The following ARFIP1 variants were observed in gnomAD, a reference collection of about 807,000 sequenced individuals.
ARFIP1 encodes ARF interacting protein 1, also known as arfaptin-1.
ARFIP1 carries 24 observed loss-of-function variants against 42.5 expected under a neutral mutation model. That is an observed-to-expected ratio of 0.57 (90% CI 0.41 to 0.80). The LOEUF is 0.80. Ranked by LOEUF, ARFIP1 falls within the 30% of genes least tolerant of loss-of-function variation. The pLI is 0.00. For missense variants in ARFIP1, 354 were observed against 434.0 expected, an observed-to-expected ratio of 0.82 and a Z score of 1.64; for synonymous variants, 141 against 153.7, an observed-to-expected ratio of 0.92 and a Z score of 0.61.
At chr4:152,884,636 A>G (rs1032724388) in intron 7 of ARFIP1, among the ~76,000 whole-genome samples, 1 of 151,966 alleles carries the variant, frequency 6.6e-6, no homozygotes, top group African/African-American at 2.4e-5. Context: ...ATTTTCGTTA[A>G]TAATAATCTC....
chr4:152,866,793 C>T (rs1272528974), intron 3 of ARFIP1, among the ~76,000 whole-genome samples: 1 of 151,434 alleles, frequency 6.6e-6, no homozygotes, highest in South Asian at 2.1e-4. Flanking sequence ...GGCTGCTGGG[C>T]AGAGACGCTC....
intron 2 of ARFIP1, among the ~76,000 whole-genome samples, chr4:152,863,116 T>C (rs6822347): frequency 3.3e-5 from 5 of 151,886 alleles, no homozygotes; most frequent in African/African-American, 1.2e-4. Context: ...ATCTAAGTAA[T>C]TTTTGCTTAC....
At chr4:152,812,478 C>T (rs935569035) in intron 1 of ARFIP1, among the ~76,000 whole-genome samples, 1 of 152,224 alleles carries the variant, frequency 6.6e-6, no homozygotes, top group African/African-American at 2.4e-5. Context: ...AGGTGTGAGC[C>T]GCCCCGTCTG....
intron 1 of ARFIP1, among the ~76,000 whole-genome samples, chr4:152,810,548 C>T (rs1729362199): frequency 6.6e-6 from 1 of 151,810 alleles, no homozygotes; most frequent in African/African-American, 2.4e-5. Context: ...GTGGCTCACG[C>T]CTGTAATGGC....
At chr4:152,824,673 T>C (rs994386281) in intron 1 of ARFIP1, among the ~76,000 whole-genome samples, 9 of 152,112 alleles carry the variant, frequency 5.9e-5, no homozygotes, top group Middle Eastern at 3.2e-3. Flanking sequence ...CAACATATTA[T>C]AGTACTAGAA....
intron 1 of ARFIP1, among the ~76,000 whole-genome samples, chr4:152,802,969 T>A (rs1376415644): frequency 5.9e-5 from 9 of 152,172 alleles, no homozygotes; most frequent in Admixed American, 5.9e-4. Context: ...ACTTTTAAAT[T>A]TTAGCCCTGC....
chr4:152,855,484 A>G (rs778657482), intron 2 of ARFIP1, among the ~76,000 whole-genome samples: 6 of 152,136 alleles, frequency 3.9e-5, no homozygotes, highest in Non-Finnish European at 5.9e-5. Flanking sequence ...GAGAACATCT[A>G]TGCCCCTTAG....
chr4:152,865,903 G>A (rs1484934643), intron 3 of ARFIP1, among the ~76,000 whole-genome samples: 2 of 151,800 alleles, frequency 1.3e-5, no homozygotes, highest in Admixed American at 6.6e-5. Flanking sequence ...ATCATTCTTG[G>A]GTGTTTCTCG....
chr4:152,788,712 G>A (rs1423507721), intron 1 of ARFIP1, among the ~76,000 whole-genome samples: 3 of 150,722 alleles, frequency 2.0e-5, no homozygotes, highest in East Asian at 1.9e-4. Context: ...TACTACATTA[G>A]CATAGTACAT....
At position 152,889,594 on chromosome 4, in the gene ARFIP1, AATAT is replaced by A. The variant is rs35526865; in HGVS notation, c.966+1295_966+1298del. On this transcript the variant is annotated intron_variant, in intron 8 of 8. Transcript: ENST00000353617. ...GTATATATAAATATATATACACATAAATATATATATACTATATATACATATATAT... is the reference window on the plus strand; with the variant it reads ...GTATATATAAATATATATACACATAAATATATACTATATATACATATATAT... Among the ~76,000 whole-genome samples the A allele has an allele frequency of 1.9e-3, 215 of 115,626 alleles. 1 individual carries two copies. Among genetic ancestry groups the A allele is most frequent in the Non-Finnish European group, 3.2e-3 (186 of 57,446 alleles). 75.9% of individuals were successfully genotyped at this position (115,626 alleles called of 152,430 possible).
intron 8 of ARFIP1, among the ~76,000 whole-genome samples, chr4:152,896,906 G>C (rs926178427): frequency 2.6e-5 from 4 of 152,100 alleles, no homozygotes; most frequent in African/African-American, 9.7e-5. Context: ...GGTGAGAATA[G>C]AAAAAGTTAA....
At chr4:152,901,419 G>A (rs1737821243) in intron 8 of ARFIP1, among the ~76,000 whole-genome samples, 1 of 152,174 alleles carries the variant, frequency 6.6e-6, no homozygotes, top group South Asian at 2.1e-4. Context: ...TTAGTAGTCA[G>A]TGTTAGAGTT....
chr4:152,826,240 T>G (rs969685039), intron 1 of ARFIP1, among the ~76,000 whole-genome samples: 1 of 151,878 alleles, frequency 6.6e-6, no homozygotes, highest in African/African-American at 2.4e-5. Context: ...AACCAATGAG[T>G]AGATAAAGAA....
At chr4:152,793,984 C>G (rs1297638240) in intron 1 of ARFIP1, among the ~76,000 whole-genome samples, 1 of 152,114 alleles carries the variant, frequency 6.6e-6, no homozygotes, top group Non-Finnish European at 1.5e-5. Flanking sequence ...GGTAATTCCT[C>G]TACCTTTGTT....
intron 1 of ARFIP1, among the ~76,000 whole-genome samples, chr4:152,814,647 C>T (rs149868432): frequency 7.9e-5 from 12 of 152,238 alleles, no homozygotes; most frequent in South Asian, 2.1e-4. Flanking sequence ...TCATGATCAC[C>T]CTATTGCACT....
chr4:152,908,541 C>T (rs1458327862), intron 8 of ARFIP1, among the ~76,000 whole-genome samples: 1 of 151,698 alleles, frequency 6.6e-6, no homozygotes, highest in Non-Finnish European at 1.5e-5. Context: ...ACCCGGGAGG[C>T]AGAGGTTGCA....
intron 1 of ARFIP1, among the ~76,000 whole-genome samples, chr4:152,809,360 TTAA>T (rs1729267840): frequency 6.6e-6 from 1 of 152,008 alleles, no homozygotes; most frequent in African/African-American, 2.4e-5. Context: ...CATCATTAGG[TTAA>T]TGACTAAAGA....
intron 6 of ARFIP1, among the ~76,000 whole-genome samples, chr4:152,882,450 GAA>G (rs1361240924): frequency 1.3e-5 from 2 of 152,064 alleles, no homozygotes; most frequent in Admixed American, 1.3e-4. Context: ...ATGTAGAAAT[GAA>G]AATATTGTTT....
At chr4:152,785,912 G>T (rs1194360119) in intron 1 of ARFIP1, among the ~76,000 whole-genome samples, 2 of 152,174 alleles carry the variant, frequency 1.3e-5, no homozygotes, top group African/African-American at 4.8e-5. Context: ...TTATTGGACA[G>T]TGCAAATTTA....
Sources: allele counts gnomAD v4.1 joint callset (sites outside exome capture counted in the v4.1 genomes callset), GRCh38; gene constraint gnomAD v4.1.1; transcripts MANE v1.5; gene names NCBI Gene and HGNC (gene_info 2026-07-23, HGNC 2026-07-21).